The following WDR70 variants were observed in gnomAD, a reference collection of about 807,000 sequenced individuals.
WDR70 encodes WD repeat domain 70, also known as WD repeat-containing protein 70.
WDR70 carries 53 observed loss-of-function variants against 88.6 expected under a neutral mutation model. That is an observed-to-expected ratio of 0.60 (90% CI 0.48 to 0.75). The LOEUF (loss-of-function observed/expected upper bound fraction) is 0.75, where lower values mean the gene tolerates loss of function less well. WDR70 is among the 30% of genes least tolerant of loss of function. The pLI is 0.00. For missense variants in WDR70, 610 were observed against 823.2 expected (o/e 0.74, Z 3.17); for synonymous variants, 280 against 270.0 (o/e 1.04, Z -0.36).
chr5:37,730,217 T>A (rs1748104888), intron 17 of WDR70, among the ~76,000 whole-genome samples: 1 of 152,180 alleles, frequency 6.6e-6, no homozygotes, highest in Non-Finnish European at 1.5e-5. Flanking sequence ...GTTGGTTATC[T>A]AAATGTTTCT....
chr5:37,486,754 G>GTT (rs749171501), intron 8 of WDR70, among the ~76,000 whole-genome samples: 1 of 146,864 alleles, frequency 6.8e-6, no homozygotes, highest in Non-Finnish European at 1.5e-5. Context: ...TCATATGCTT[G>GTT]TTGGCCGCAT....
intron 10 of WDR70, among the ~76,000 whole-genome samples, chr5:37,669,859 A>G (rs970531505): frequency 3.3e-5 from 5 of 152,260 alleles, no homozygotes; most frequent in Admixed American, 3.3e-4. Context: ...TGAAGTGCTG[A>G]TACATACTGC....
chr5:37,441,706 T>C (rs1357853951), intron 6 of WDR70, among the ~76,000 whole-genome samples: 2 of 151,892 alleles, frequency 1.3e-5, no homozygotes, highest in Non-Finnish European at 2.9e-5. Context: ...TCATCCCAGC[T>C]ACTTAGGAGG....
chr5:37,456,398 T>G (rs115346384), intron 7 of WDR70, among the ~76,000 whole-genome samples: 6,471 of 152,254 alleles, frequency 0.043, 225 homozygotes, highest in Admixed American at 0.063. Context: ...TTCAAAAACT[T>G]TCGCCCATTT....
At chr5:37,404,921 G>A (rs1749307036) in intron 5 of WDR70, among the ~76,000 whole-genome samples, 1 of 152,068 alleles carries the variant, frequency 6.6e-6, no homozygotes, top group Non-Finnish European at 1.5e-5. Context: ...TTATAATTGT[G>A]GTTTTCTGAA....
chr5:37,720,086 A>G (rs999268934), intron 13 of WDR70, among the ~76,000 whole-genome samples: 3 of 152,168 alleles, frequency 2.0e-5, no homozygotes, highest in Admixed American at 6.6e-5. Flanking sequence ...ATGAGTAGAG[A>G]CAAGGAACCA....
At chr5:37,449,426 T>C (rs1273237724) in intron 7 of WDR70, among the ~76,000 whole-genome samples, 3 of 152,044 alleles carry the variant, frequency 2.0e-5, no homozygotes, top group African/African-American at 4.8e-5. Flanking sequence ...ACCCCGTCTG[T>C]ACTAAAAATA....
chr5:37,478,894 A>C (rs1389746131), intron 7 of WDR70, among the ~76,000 whole-genome samples: 1 of 152,208 alleles, frequency 6.6e-6, no homozygotes, highest in Non-Finnish European at 1.5e-5. Context: ...TATTCACTAC[A>C]GCCACAATGG....
chr5:37,671,733 T>G (rs1256807992), intron 10 of WDR70, among the ~76,000 whole-genome samples: 1 of 152,230 alleles, frequency 6.6e-6, no homozygotes, highest in Non-Finnish European at 1.5e-5. Flanking sequence ...CATTGGTATC[T>G]AGGCAGCTAC....
intron 10 of WDR70, among the ~76,000 whole-genome samples, chr5:37,664,124 C>T (rs1745773769): frequency 6.6e-6 from 1 of 152,170 alleles, no homozygotes; most frequent in Non-Finnish European, 1.5e-5. Context: ...CAAGCCCTCA[C>T]CTAGAACACT....
intron 5 of WDR70, among the ~76,000 whole-genome samples, chr5:37,400,474 A>G (rs1446652532): frequency 6.6e-6 from 1 of 152,118 alleles, no homozygotes; most frequent in Non-Finnish European, 1.5e-5. Context: ...CATTACTTCC[A>G]CTGATCTCAT....
At chr5:37,397,899 A>G (rs894282837) in intron 5 of WDR70, among the ~76,000 whole-genome samples, 3 of 150,902 alleles carry the variant, frequency 2.0e-5, no homozygotes, top group African/African-American at 7.3e-5. Context: ...GGGAGGCTGA[A>G]GCAGGAGAAT....
At chr5:37,570,234 T>C (rs890138446) in intron 9 of WDR70, among the ~76,000 whole-genome samples, 5 of 152,056 alleles carry the variant, frequency 3.3e-5, no homozygotes, top group African/African-American at 1.2e-4. Flanking sequence ...ATAATGGAGA[T>C]AGAGGAATCA....
chr5:37,509,436 T>TAA (rs55919452), intron 8 of WDR70, among the ~76,000 whole-genome samples: 24 of 148,354 alleles, frequency 1.6e-4, no homozygotes, highest in Admixed American at 5.4e-4. Context: ...AAACATACTT[T>TAA]AAAAAAAAAA....
chr5:37,719,306 A>C (rs1747737259), intron 13 of WDR70, among the ~76,000 whole-genome samples: 1 of 152,076 alleles, frequency 6.6e-6, no homozygotes. Flanking sequence ...ATATGTATGC[A>C]TTATAAACTA....
chr5:37,641,381 C>T (rs1745098655), intron 10 of WDR70, among the ~76,000 whole-genome samples: 1 of 143,976 alleles, frequency 6.9e-6, no homozygotes, highest in South Asian at 2.2e-4. Flanking sequence ...GCTGGGATTA[C>T]AGGCATGGGC....
At chr5:37,451,725 G>T (rs569752145) in intron 7 of WDR70, among the ~76,000 whole-genome samples, 7 of 152,270 alleles carry the variant, frequency 4.6e-5, no homozygotes, top group African/African-American at 7.2e-5. Flanking sequence ...GCCAGGTGTG[G>T]TGGCTCACGG....
At position 37,605,087 on chromosome 5, in the gene WDR70, A is replaced by G; in HGVS notation, c.941A>G (p.Glu314Gly). 6.2e-7 allele frequency: 1 copy of G among 1,611,570 alleles called. No individual in the cohort carries two copies. Among genetic ancestry groups the G allele is most frequent in the Non-Finnish European group, 8.5e-7 (1 of 1,178,764 alleles). The part of the protein sequence containing the change: ...NDATVRTWEV[E>G]NPKKQKSVFK... Reference sequence around the variant, plus strand: ...AGGACTGTGAGGACGTGGGAAGTTGAAAATCCAAAGAAGCAAAAAAGTGTG... The same window carrying G: ...AGGACTGTGAGGACGTGGGAAGTTGGAAATCCAAAGAAGCAAAAAAGTGTG... Residue 314 changes from glutamate to glycine, a missense_variant, in exon 10 of 18, where the codon GAA (glutamate) becomes GGA (glycine). Physicochemically the swap from Glu to Gly is moderately conservative, Grantham distance 98. Coordinates refer to ENST00000265107, the MANE Select transcript of WDR70 (RefSeq NM_018034.4).
At chr5:37,475,554 C>T (rs1383402655) in intron 7 of WDR70, among the ~76,000 whole-genome samples, 1 of 152,142 alleles carries the variant, frequency 6.6e-6, no homozygotes, top group Non-Finnish European at 1.5e-5. Context: ...CCTTGATTTT[C>T]AAGGCCACTC....
Sources: gnomAD v4.1 joint callset for allele counts (sites outside exome capture counted in the v4.1 genomes callset) on GRCh38, gnomAD v4.1.1 for gene constraint, MANE v1.5 for transcripts, NCBI Gene and HGNC (gene_info 2026-07-23, HGNC 2026-07-21) for gene names.